Variants in NAA20 observed in about 807,000 individuals in gnomAD.
The protein encoded by NAA20 is N-alpha-acetyltransferase 20, NatB catalytic subunit, also known as N-alpha-acetyltransferase 20.
Under a neutral mutation model 23.8 loss-of-function variants are expected in NAA20, and 24 were observed. The ratio of observed to expected loss-of-function variants is 1.01; its 90% confidence interval spans 0.73 to 1.42. The LOEUF (loss-of-function observed/expected upper bound fraction) is 1.42, where lower values mean the gene tolerates loss of function less well. NAA20 is among the 40% of genes most tolerant of loss of function. NAA20 has a pLI of 0.00. For missense variants in NAA20, 166 were observed against 223.1 expected, an observed-to-expected ratio of 0.74 and a Z score of 1.63; for synonymous variants, 83 against 77.7, an observed-to-expected ratio of 1.07 and a Z score of -0.36.
rs2043352116 is a variant in NAA20, at chr20:20,032,491, T to A, written c.306-17T>A. On this transcript the variant is annotated splice_polypyrimidine_tract_variant and intron_variant, in intron 4 of 5. Transcript: ENST00000334982. The stretch of plus-strand genomic sequence containing the variant: ...TCTCACATTCTAACATTTTCCTTTT[T>A]TGTTTTTCTTTTAAAGAAAGGGTGG... 22 of 1,606,000 alleles carry A rather than the reference T, an allele frequency of 1.4e-5. No homozygotes were observed. In the East Asian group the frequency reaches 4.9e-4, roughly 36 times the overall value.
intron 2 of NAA20, 82 bp from the exon 3 acceptor site, chr20:20,025,595 A>G: frequency 1.0e-6 from 1 of 1,003,756 alleles, no homozygotes; most frequent in Admixed American, 1.8e-5. Context: ...TATACTTTTT[A>G]AAGGAAACTT....
chr20:20,017,315 C>T, upstream of NAA20: 2 of 1,576,692 alleles, frequency 1.3e-6, no homozygotes, highest in Non-Finnish European at 1.7e-6. Context: ...CGCTCGGTTC[C>T]GCGGCGGCCA....
Position 20,026,978 on chromosome 20 carries a change from C to G in NAA20, c.305+59C>G. 4 of 1,603,230 alleles carry G rather than the reference C, an allele frequency of 2.5e-6. No individual in the cohort carries two copies. In the South Asian group the frequency reaches 3.3e-5, roughly 13 times the overall value. On this transcript the variant is annotated intron_variant, in intron 4 of 5. Coordinates refer to ENST00000334982, the MANE Select transcript of NAA20 (RefSeq NM_016100.5). ...TTGTGGACCCCTAACCATTTTCTTCCCCTTCAGGCTGAATAACTGTCATGC... is the reference window on the plus strand; with the variant it reads ...TTGTGGACCCCTAACCATTTTCTTCGCCTTCAGGCTGAATAACTGTCATGC...
At chr20:20,032,417 G>C (rs2043350255) in intron 4 of NAA20, 91 bp from the exon 5 acceptor site, 5 of 1,313,042 alleles carry the variant, frequency 3.8e-6, no homozygotes, top group Non-Finnish European at 4.1e-6. Flanking sequence ...GTCAAAGCAA[G>C]GTAAAAACAC....
chr20:20,022,393 G>T, intron 1 of NAA20, 63 bp from the exon 2 acceptor site: 3 of 1,490,312 alleles, frequency 2.0e-6, no homozygotes, highest in Non-Finnish European at 2.7e-6. Flanking sequence ...AGCTTTAGCA[G>T]GCTTATTTCA....
intron 2 of NAA20, among the ~76,000 whole-genome samples, chr20:20,023,984 A>G (rs946765290): frequency 6.6e-6 from 1 of 152,260 alleles, no homozygotes; most frequent in Non-Finnish European, 1.5e-5. Context: ...CCCATAGGCC[A>G]AATCTGGCCC....
At chr20:20,020,697 G>A (rs1249461703) in intron 1 of NAA20, among the ~76,000 whole-genome samples, 1 of 152,190 alleles carries the variant, frequency 6.6e-6, no homozygotes, top group Non-Finnish European at 1.5e-5. Flanking sequence ...CTAAGAGTTT[G>A]TAAGATGGCG....
intron 3 of NAA20, 133 bp downstream of exon 3, chr20:20,025,900 C>T (rs1456196056): frequency 2.9e-6 from 2 of 700,232 alleles, no homozygotes; most frequent in African/African-American, 3.5e-5. Context: ...AATTCAAGAA[C>T]TTACTGATCT....
chr20:20,024,742 C>T (rs1959163669), intron 2 of NAA20, among the ~76,000 whole-genome samples: 1 of 152,144 alleles, frequency 6.6e-6, no homozygotes, highest in African/African-American at 2.4e-5. Context: ...TGGTATATGT[C>T]AGTGGCTGGC....
chr20:20,032,994 G>A, intron 5 of NAA20, 108 bp from the exon 6 acceptor site: 2 of 875,310 alleles, frequency 2.3e-6, no homozygotes, highest in Non-Finnish European at 1.8e-6. Context: ...TTAGAATATG[G>A]TGAAGTGGGG....
In NAA20 at chr20:20,032,538, A is replaced by G. The variant is rs1158099550; in HGVS notation, c.336A>G (p.Val112=). ...GTGGATTTTTTGTGGATCTCTTTGT[A>G]AGAGTATCTAACCAAGTTGCAGTTA... is the stretch of plus-strand genomic sequence containing the variant. The part of the protein sequence containing the change: ...RKGGFFVDLF[V]RVSNQVAVNM... Residue 112 remains valine, a synonymous_variant, in exon 5 of 6, where the codon GTA becomes GTG. Coordinates refer to ENST00000334982, the MANE Select transcript of NAA20 (RefSeq NM_016100.5). 3.1e-6 allele frequency: 5 copies of G among 1,613,220 alleles called. No homozygotes were observed. Among genetic ancestry groups the G allele is most frequent in the Non-Finnish European group, 4.2e-6 (5 of 1,179,608 alleles).
At chr20:20,032,188 A>G (rs558057038) in intron 4 of NAA20, among the ~76,000 whole-genome samples, 1 of 152,070 alleles carries the variant, frequency 6.6e-6, no homozygotes, top group East Asian at 1.9e-4. Flanking sequence ...CCATGTATAT[A>G]AACTTCATAA....
In NAA20 at chr20:20,025,758, A is replaced by G. The variant is rs2146464332; in HGVS notation, c.160A>G (p.Met54Val). 1 of 1,597,114 alleles carries G rather than the reference A, an allele frequency of 6.3e-7. No homozygotes were observed. Among genetic ancestry groups the G allele is most frequent in the Non-Finnish European group, 8.6e-7 (1 of 1,164,546 alleles). The change falls in exon 3 of 6, where the codon ATG (methionine) becomes GTG (valine). Residue 54 changes from methionine to valine, a missense_variant. Coordinates refer to ENST00000334982, the MANE Select transcript of NAA20 (RefSeq NM_016100.5). ...IVAEAPGGEL[M>V]GYIMGKAEGS... ...TGCAGAGGCACCTGGTGGAGAATTA[A>G]TGGGTTATAGTAAGTATAATACCAC...
At chr20:20,022,981 A>C (rs2043281194) in intron 2 of NAA20, among the ~76,000 whole-genome samples, 1 of 152,164 alleles carries the variant, frequency 6.6e-6, no homozygotes, top group Non-Finnish European at 1.5e-5. Flanking sequence ...GAAACAGCAG[A>C]GGGGGAGGTG....
intron 5 of NAA20, 143 bp downstream of exon 5, chr20:20,032,796 A>G: frequency 5.5e-6 from 6 of 1,100,348 alleles, no homozygotes; most frequent in Non-Finnish European, 7.4e-6. Context: ...TTATCAACCT[A>G]TTAGTAGTAG....
intron 1 of NAA20, chr20:20,018,854 A>G (rs143887358): frequency 1.5e-4 from 149 of 984,440 alleles, no homozygotes; most frequent in Non-Finnish European, 1.7e-4. Flanking sequence ...GGCAAGCACA[A>G]GTGAATTGGC....
chr20:20,018,627 C>T (rs3790293), intron 1 of NAA20: 38,683 of 155,622 alleles, frequency 0.25, 7,485 homozygotes, highest in East Asian at 0.72. Context: ...CTGGTTTCTG[C>T]CACTGAGCAG....
rs528304335 is a variant in NAA20, at chr20:20,017,523, G to C, written c.53+74G>C. On this transcript the variant is annotated intron_variant, in intron 1 of 5. Transcript: ENST00000334982. ...CCCGGCCCCGCCAGCTCCGGCCCCA[G>C]CCGCGCCTTCCCGGCCGGACCCCAA... 16 of 1,538,218 alleles carry C rather than the reference G, an allele frequency of 1.0e-5. No homozygotes were observed. The South Asian group carries it at 1.9e-4, about 18-fold the overall frequency.
intron 1 of NAA20, among the ~76,000 whole-genome samples, chr20:20,021,688 A>ATT (rs2043269541): frequency 6.6e-6 from 1 of 152,252 alleles, no homozygotes; most frequent in Non-Finnish European, 1.5e-5. Flanking sequence ...CTACAGAAAT[A>ATT]TGATATGACT....
Sources: allele counts gnomAD v4.1 joint callset (sites outside exome capture counted in the v4.1 genomes callset), GRCh38; gene constraint gnomAD v4.1.1; transcripts MANE v1.5; gene names NCBI Gene and HGNC (gene_info 2026-07-23, HGNC 2026-07-21).